CAMKMT: variants seen among roughly 807,000 people sequenced by gnomAD.
CAMKMT encodes calmodulin-lysine N-methyltransferase.
A neutral mutation model predicts 48.0 loss-of-function variants in CAMKMT; 53 were observed. The ratio of observed to expected loss-of-function variants is 1.10; its 90% CI spans 0.89 to 1.39. The LOEUF (loss-of-function observed/expected upper bound fraction) is 1.39. Ranked by LOEUF, CAMKMT falls within the 40% of genes most tolerant of loss-of-function variation. The pLI, the probability that CAMKMT is intolerant of heterozygous loss-of-function variation, is 0.00. For missense variants in CAMKMT, 428 were observed against 402.7 expected (o/e 1.06, Z -0.54); for synonymous variants, 165 against 152.3 (o/e 1.08, Z -0.61).
At chr2:44,750,518 T>G (rs62132359) in intron 8 of CAMKMT, among the ~76,000 whole-genome samples, 21,958 of 152,164 alleles carry the variant, frequency 0.14, 1,722 homozygotes, top group South Asian at 0.2. Context: ...AGACAGTCCT[T>G]TTATTTATTT....
chr2:44,362,826 T>G (rs1017115002), intron 1 of CAMKMT, among the ~76,000 whole-genome samples: 1 of 152,242 alleles, frequency 6.6e-6, no homozygotes, highest in African/African-American at 2.4e-5. Flanking sequence ...CTGCTGTTAC[T>G]TACAACTCCA....
At chr2:44,670,762 T>G (rs1259104823) in intron 3 of CAMKMT, among the ~76,000 whole-genome samples, 1 of 152,180 alleles carries the variant, frequency 6.6e-6, no homozygotes, top group African/African-American at 2.4e-5. Flanking sequence ...GCCTTAAAAT[T>G]TGCATTTCTA....
chr2:44,445,681 T>G lies in CAMKMT; in HGVS notation c.376+55376T>G, dbSNP rs1306162153. Reference sequence around the variant, plus strand: ...TTTTTTTTTTTTTTTTTTTTTTTTTTTTTTTTTTTTTTACCAGTTGGGCTT... The same window carrying G: ...TTTTTTTTTTTTTTTTTTTTTTTTTGTTTTTTTTTTTTACCAGTTGGGCTT... On this transcript the variant is annotated intron_variant, in intron 3 of 10. Transcript: ENST00000378494. Among the ~76,000 whole-genome samples the G allele has an allele frequency of 1.3e-3, 67 of 50,088 alleles. 1 individual carries two copies. Among genetic ancestry groups the G allele is most frequent in the East Asian group, 9.1e-3 (25 of 2,750 alleles). 32.9% of individuals were successfully genotyped at this position (50,088 alleles called of 152,430 possible).
At chr2:44,497,936 G>T (rs1669835017) in intron 3 of CAMKMT, among the ~76,000 whole-genome samples, 1 of 152,092 alleles carries the variant, frequency 6.6e-6, no homozygotes, top group African/African-American at 2.4e-5. Flanking sequence ...TAGGGAGTAG[G>T]TTTGTAAATT....
intron 3 of CAMKMT, among the ~76,000 whole-genome samples, chr2:44,570,065 A>C (rs1668827232): frequency 6.6e-6 from 1 of 152,166 alleles, no homozygotes; most frequent in Non-Finnish European, 1.5e-5. Flanking sequence ...GATTATCCCC[A>C]TATCAGGTAT....
intron 3 of CAMKMT, among the ~76,000 whole-genome samples, chr2:44,648,273 C>A (rs923205317): frequency 3.9e-5 from 6 of 152,174 alleles, no homozygotes; most frequent in Non-Finnish European, 7.3e-5. Context: ...GCAACAATTA[C>A]TCCTGCAGAG....
intron 3 of CAMKMT, among the ~76,000 whole-genome samples, chr2:44,590,287 A>C (rs1045536374): frequency 2.6e-5 from 4 of 152,174 alleles, no homozygotes; most frequent in Non-Finnish European, 5.9e-5. Flanking sequence ...TAAGTCAGAA[A>C]ATATTCTTCC....
intron 3 of CAMKMT, chr2:44,456,563 T>A: frequency 1.3e-6 from 2 of 1,549,794 alleles, no homozygotes; most frequent in African/African-American, 2.7e-5. Context: ...TCCTTTCTCT[T>A]TTAGGGGAAG....
At position 44,488,907 on chromosome 2, in the gene CAMKMT, C is replaced by T. The variant is rs531561322; in HGVS notation, c.376+98602C>T. Among the ~76,000 whole-genome samples, 4 of 149,280 alleles carry T rather than the reference C, an allele frequency of 2.7e-5. No individual in the cohort carries two copies. The South Asian group carries it at 6.3e-4, about 24-fold the overall frequency. On this transcript the variant is annotated intron_variant, in intron 3 of 10. Coordinates refer to ENST00000378494, the MANE Select transcript of CAMKMT (RefSeq NM_024766.5). The stretch of plus-strand genomic sequence containing the variant: ...AAGAAATGGAGTCCCTTTCCATTGC[C>T]CAGACTGGAGTACAGTGGCACAGTC...
chr2:44,470,507 C>T (rs998206833), intron 3 of CAMKMT, among the ~76,000 whole-genome samples: 7 of 152,006 alleles, frequency 4.6e-5, no homozygotes, highest in African/African-American at 1.7e-4. Context: ...TGTCTGGTTT[C>T]TTCCCACCTG....
chr2:44,441,023 T>C (rs1666624438), intron 3 of CAMKMT, among the ~76,000 whole-genome samples: 1 of 152,206 alleles, frequency 6.6e-6, no homozygotes, highest in Non-Finnish European at 1.5e-5. Flanking sequence ...TACTTTGTGC[T>C]TACCTGGCCA....
chr2:44,441,882 T>A (rs962028651), intron 3 of CAMKMT, among the ~76,000 whole-genome samples: 1 of 152,334 alleles, frequency 6.6e-6, no homozygotes, highest in Middle Eastern at 3.4e-3. Flanking sequence ...GAAAATATCC[T>A]CTTTTATCTA....
At chr2:44,426,833 T>C (rs1684308992) in intron 3 of CAMKMT, among the ~76,000 whole-genome samples, 1 of 152,118 alleles carries the variant, frequency 6.6e-6, no homozygotes, top group African/African-American at 2.4e-5. Context: ...CTAAAATTCA[T>C]ATGGAACCAA....
intron 3 of CAMKMT, among the ~76,000 whole-genome samples, chr2:44,607,804 TTA>T (rs1488095853): frequency 6.6e-6 from 1 of 152,126 alleles, no homozygotes; most frequent in Non-Finnish European, 1.5e-5. Context: ...AGTTATAGTG[TTA>T]TATATGCTCA....
At chr2:44,705,259 C>T in intron 4 of CAMKMT, 1 of 618,604 alleles carries the variant, frequency 1.6e-6, no homozygotes, top group Non-Finnish European at 2.0e-6. Flanking sequence ...CTTCTCCTCC[C>T]TTTCCCCCTC....
intron 3 of CAMKMT, among the ~76,000 whole-genome samples, chr2:44,616,827 G>C (rs1423391111): frequency 6.6e-6 from 1 of 152,152 alleles, no homozygotes; most frequent in African/African-American, 2.4e-5. Context: ...AAGCAGAAAT[G>C]AGCTCATGTT....
intron 3 of CAMKMT, among the ~76,000 whole-genome samples, chr2:44,677,569 A>T (rs868127178): frequency 6.6e-6 from 1 of 152,070 alleles, no homozygotes; most frequent in Non-Finnish European, 1.5e-5. Context: ...TTAGCTGGGC[A>T]TGGTGGCGGG....
intron 9 of CAMKMT, among the ~76,000 whole-genome samples, chr2:44,757,537 G>T (rs557959442): frequency 6.6e-6 from 1 of 150,752 alleles, no homozygotes; most frequent in East Asian, 2.0e-4. Flanking sequence ...GCTAGCTCTG[G>T]TTACTTTGGT....
At chr2:44,424,389 C>T (rs1325728475) in intron 3 of CAMKMT, among the ~76,000 whole-genome samples, 1 of 152,000 alleles carries the variant, frequency 6.6e-6, no homozygotes, top group East Asian at 1.9e-4. Flanking sequence ...CTAAGGGGTC[C>T]ATGTGAAAGG....
Sources: allele counts gnomAD v4.1 joint callset (sites outside exome capture counted in the v4.1 genomes callset), GRCh38; gene constraint gnomAD v4.1.1; transcripts MANE v1.5; gene names NCBI Gene and HGNC (gene_info 2026-07-23, HGNC 2026-07-21).